Variants in SH2D4B observed in about 807,000 individuals in gnomAD.
SH2D4B encodes the protein SH2 domain-containing protein 4B.
A neutral mutation model predicts 61.5 loss-of-function variants in SH2D4B; 45 were observed. The observed-to-expected ratio is 0.73, with a 90% CI of 0.58 to 0.94. The LOEUF (loss-of-function observed/expected upper bound fraction) is 0.94, where lower values mean the gene tolerates loss of function less well. Among genes scored for constraint, SH2D4B ranks in the 40% least tolerant of loss-of-function variants. SH2D4B has a pLI of 0.00. For missense variants in SH2D4B, 572 were observed against 574.2 expected (o/e 1.00, Z 0.04); for synonymous variants, 224 against 220.4 (o/e 1.02, Z -0.14).
chr10:80,595,437 C>T (rs1335736514), intron 4 of SH2D4B, among the ~76,000 whole-genome samples: 2 of 152,128 alleles, frequency 1.3e-5, no homozygotes, highest in Non-Finnish European at 2.9e-5. Flanking sequence ...AGCAGCTGGC[C>T]CGGGTGAGGA....
intron 6 of SH2D4B, among the ~76,000 whole-genome samples, chr10:80,619,730 G>A (rs953831342): frequency 3.3e-5 from 5 of 152,222 alleles, no homozygotes; most frequent in African/African-American, 9.6e-5. Context: ...ACTTAAGAGA[G>A]ATTTACTTGT....
rs1283153702 is a variant in SH2D4B, at chr10:80,572,984, A to ATTTTTTTTTTTT, written c.495+1407_495+1408insTTTTTTTTTTTT. Among the ~76,000 whole-genome samples the ATTTTTTTTTTTT allele has an allele frequency of 4.0e-3, 33 of 8,298 alleles. 1 individual carries two copies. Among genetic ancestry groups the ATTTTTTTTTTTT allele is most frequent in the Non-Finnish European group, 6.0e-3 (29 of 4,796 alleles). 5.4% of individuals were successfully genotyped at this position (8,298 alleles called of 152,430 possible). ...TATATATATATATATATATATATAT[A>ATTTTTTTTTTTT]TATTTTTTTTTTTTTTTTTTTTTTT... On this transcript the variant is annotated intron_variant, in intron 3 of 7. Transcript: ENST00000646907.
At chr10:80,561,084 C>A (rs1237058186) in intron 1 of SH2D4B, among the ~76,000 whole-genome samples, 1 of 152,152 alleles carries the variant, frequency 6.6e-6, no homozygotes, top group Non-Finnish European at 1.5e-5. Context: ...TTGAGAAAAG[C>A]ATGTGTGATT....
chr10:80,577,096 G>A (rs4933447), intron 3 of SH2D4B, among the ~76,000 whole-genome samples: 100,385 of 152,060 alleles, frequency 0.66, 34,120 homozygotes, highest in East Asian at 0.84. Context: ...AGACTATAAC[G>A]GAGCTGAAGT....
At chr10:80,636,999 C>G (rs966023720) in intron 7 of SH2D4B, among the ~76,000 whole-genome samples, 2 of 152,342 alleles carry the variant, frequency 1.3e-5, no homozygotes, top group Admixed American at 6.5e-5. Context: ...TTTCAGCTTT[C>G]TACTTATGGC....
chr10:80,538,558 C>T lies in SH2D4B; in HGVS notation c.184+43C>T, dbSNP rs753707895. 20 of 1,315,782 alleles carry T rather than the reference C, an allele frequency of 1.5e-5. No individual in the cohort carries two copies. Among genetic ancestry groups the T allele is most frequent in the Non-Finnish European group, 2.0e-5 (20 of 1,023,030 alleles). The allele number at this position is 1,315,782 out of a possible 1,614,324, so 81.5% of individuals were successfully genotyped here. ...ACAGAGAGGTAGGCCACCAGTCCCC[C>T]AGGAGGTAGAAAAATTAGCAGGGCC... is the stretch of plus-strand genomic sequence containing the variant. On this transcript the variant is annotated intron_variant, in intron 1 of 7. Coordinates refer to ENST00000646907, the MANE Select transcript of SH2D4B (RefSeq NM_001388272.1). This position sits in a 1 kb window ranked among gnomAD's most constrained non-coding sequence, Gnocchi z 4.8.
chr10:80,576,147 T>C (rs1456354359), intron 3 of SH2D4B, among the ~76,000 whole-genome samples: 3 of 152,124 alleles, frequency 2.0e-5, no homozygotes, highest in African/African-American at 7.2e-5. Context: ...AGTGGAGGTT[T>C]TCTGGTCAAT....
intron 1 of SH2D4B, among the ~76,000 whole-genome samples, chr10:80,542,434 A>G (rs116812565): frequency 0.015 from 2,054 of 136,364 alleles, 43 homozygotes; most frequent in African/African-American, 0.055. Flanking sequence ...ATCTCACTCT[A>G]TTGCTCAGGC....
At chr10:80,571,929 C>T (rs1842052200) in intron 3 of SH2D4B, among the ~76,000 whole-genome samples, 1 of 151,970 alleles carries the variant, frequency 6.6e-6, no homozygotes, top group African/African-American at 2.4e-5. Flanking sequence ...CCCACCACCA[C>T]ACCCGGCTAA....
At chr10:80,598,682 C>T (rs114643450) in intron 4 of SH2D4B, among the ~76,000 whole-genome samples, 3 of 152,138 alleles carry the variant, frequency 2.0e-5, no homozygotes, top group African/African-American at 4.8e-5. Context: ...ACTTGAATAC[C>T]ATTAGTTATT....
At position 80,589,000 on chromosome 10, in the gene SH2D4B, C is replaced by CT. The variant is rs200753787; in HGVS notation, c.643+234dup. On this transcript the variant is annotated intron_variant, in intron 4 of 7. Transcript: ENST00000646907. ...GTTGGGGATATTTCTTTTTCTTTTT[C>CT]TTTTTTTTTTTGTTCTTTTTTGAGA... Among the ~76,000 whole-genome samples the CT allele has an allele frequency of 4.9e-3, 720 of 147,118 alleles. 2 individuals are homozygous for CT. Among genetic ancestry groups the CT allele is most frequent in the Non-Finnish European group, 6.9e-3 (457 of 66,432 alleles).
At chr10:80,563,685 A>G (rs939943757) in intron 1 of SH2D4B, among the ~76,000 whole-genome samples, 3 of 152,226 alleles carry the variant, frequency 2.0e-5, no homozygotes, top group African/African-American at 7.2e-5. Context: ...GGAAATATTG[A>G]TAGATATAAC....
Position 80,559,250 on chromosome 10 carries a change from A to G in SH2D4B, c.185-10904A>G, listed in dbSNP as rs375914821. On this transcript the variant is annotated intron_variant, in intron 1 of 7. Transcript: ENST00000646907. ...TATTGTTCTTTTTCTAATATCTCAA[A>G]TTGAAAATTAGCTTATTCACATTAT... Among the ~76,000 whole-genome samples the G allele has an allele frequency of 1.4e-4, 22 of 152,220 alleles. No homozygotes were observed. In the East Asian group the frequency reaches 3.5e-3, roughly 24 times the overall value.
At chr10:80,629,029 CA>C (rs55766810) in intron 6 of SH2D4B, among the ~76,000 whole-genome samples, 16 of 135,278 alleles carry the variant, frequency 1.2e-4, no homozygotes, top group Non-Finnish European at 7.7e-5. Flanking sequence ...GACTCTATCT[CA>C]AAAAAAAAAA....
chr10:80,596,863 C>T (rs1842390937), intron 4 of SH2D4B, among the ~76,000 whole-genome samples: 1 of 152,200 alleles, frequency 6.6e-6, no homozygotes, highest in Non-Finnish European at 1.5e-5. Context: ...AGATGCTTGT[C>T]ATCTGCACCC....
intron 1 of SH2D4B, among the ~76,000 whole-genome samples, chr10:80,569,639 T>A (rs1842013713): frequency 6.6e-6 from 1 of 151,776 alleles, no homozygotes; most frequent in African/African-American, 2.4e-5. Flanking sequence ...GTCACAATGC[T>A]CTTATACATT....
rs189903369 is a variant in SH2D4B at position 80,550,389 on chromosome 10, C to T, written c.184+11874C>T. Among the ~76,000 whole-genome samples the T allele has an allele frequency of 9.0e-4, 137 of 152,098 alleles. No homozygotes were observed. In the Middle Eastern group the frequency reaches 0.01, roughly 11 times the overall value. Reference sequence around the variant, plus strand: ...TGGGCGGATCACGAGGTCAGGAGATCGAGACCATCCTGGCTAACATGGTGA... The same window carrying T: ...TGGGCGGATCACGAGGTCAGGAGATTGAGACCATCCTGGCTAACATGGTGA... On this transcript the variant is annotated intron_variant, in intron 1 of 7. Coordinates refer to ENST00000646907, the MANE Select transcript of SH2D4B (RefSeq NM_001388272.1).
intron 6 of SH2D4B, among the ~76,000 whole-genome samples, chr10:80,615,874 T>C (rs1344436083): frequency 6.6e-6 from 1 of 152,170 alleles, no homozygotes; most frequent in East Asian, 1.9e-4. Context: ...TACGTAGTAG[T>C]GTTGTGAGGA....
chr10:80,609,356 G>C, intron 5 of SH2D4B, 68 bp from the exon 6 acceptor site: 35 of 1,439,908 alleles, frequency 2.4e-5, no homozygotes, highest in South Asian at 8.7e-5. Context: ...CTTCCCCTCT[G>C]CCTTCCTCTC....
Sources: allele counts gnomAD v4.1 joint callset (sites outside exome capture counted in the v4.1 genomes callset), GRCh38; gene constraint gnomAD v4.1.1; non-coding constraint Gnocchi (gnomAD v3.1); transcripts MANE v1.5; gene names NCBI Gene and HGNC (gene_info 2026-07-23, HGNC 2026-07-21).